The following SLC2A10 variants were observed in gnomAD, a reference collection of about 807,000 sequenced individuals.
SLC2A10 encodes the protein solute carrier family 2, facilitated glucose transporter member 10.
SLC2A10 carries 25 observed loss-of-function variants against 32.1 expected under a neutral mutation model. The ratio of observed to expected loss-of-function variants is 0.78; its 90% confidence interval spans 0.57 to 1.09. The LOEUF (loss-of-function observed/expected upper bound fraction) is 1.09, where lower values mean the gene tolerates loss of function less well. Among genes scored for constraint, SLC2A10 ranks in the 50% least tolerant of loss-of-function variants. SLC2A10 has a pLI of 0.00. For missense variants in SLC2A10, 673 were observed against 686.5 expected, an observed-to-expected ratio of 0.98 and a Z score of 0.22; for synonymous variants, 332 against 309.6, an observed-to-expected ratio of 1.07 and a Z score of -0.76.
At chr20:46,723,389 T>C (rs944740106) in intron 1 of SLC2A10, among the ~76,000 whole-genome samples, 1 of 152,148 alleles carries the variant, frequency 6.6e-6, no homozygotes, top group African/African-American at 2.4e-5. Flanking sequence ...TAGCCACCAA[T>C]AGCTGTGGGA....
chr20:46,710,730 G>A (rs1391281425), intron 1 of SLC2A10, among the ~76,000 whole-genome samples: 3 of 152,228 alleles, frequency 2.0e-5, no homozygotes, highest in Non-Finnish European at 4.4e-5. Context: ...AGAGCACAGC[G>A]GGCAGGGCAC....
chr20:46,722,306 C>A (rs964958901), intron 1 of SLC2A10, among the ~76,000 whole-genome samples: 27 of 152,142 alleles, frequency 1.8e-4, no homozygotes, highest in African/African-American at 5.8e-4. Flanking sequence ...AAGAGGCTGA[C>A]AAATCCAGTC....
rs746480018 is a variant in SLC2A10 at position 46,733,809 on chromosome 20, G to A, written c.1601G>A (p.Arg534His). 1.7e-5 allele frequency: 27 copies of A among 1,614,020 alleles called. No homozygotes were observed. Among genetic ancestry groups the A allele is most frequent in the Non-Finnish European group, 2.3e-5 (27 of 1,180,018 alleles). ...RQNSTGIPYSRIEISAAS is the reference protein window; with the variant it reads ...RQNSTGIPYSHIEISAAS The stretch of plus-strand genomic sequence containing the variant: ...AACTCCACTGGCATCCCGTACAGCC[G>A]CATCGAGATCTCTGCGGCCTCCTGA... The change falls in exon 5 of 5, where the codon CGC (arginine) becomes CAC (histidine). Residue 534 changes from arginine to histidine, a missense_variant. Transcript: ENST00000359271.
intron 3 of SLC2A10, among the ~76,000 whole-genome samples, chr20:46,728,203 G>T (rs144086079): frequency 6.6e-6 from 1 of 152,132 alleles, no homozygotes; most frequent in African/African-American, 2.4e-5. Context: ...TCCAGCCAGG[G>T]AGTCAAAAGA....
intron 1 of SLC2A10, among the ~76,000 whole-genome samples, chr20:46,712,200 G>A (rs1191040466): frequency 6.6e-6 from 1 of 152,226 alleles, no homozygotes; most frequent in African/African-American, 2.4e-5. Context: ...CAATTGCTGG[G>A]ACATTTGGAA....
rs992128140 is a variant in SLC2A10 at position 46,717,653 on chromosome 20, G to A, written c.5-7388G>A. On this transcript the variant is annotated intron_variant, in intron 1 of 4. Coordinates refer to ENST00000359271, the MANE Select transcript of SLC2A10 (RefSeq NM_030777.4). ...ACCTGCTTTGGCCTTCCAAAGTGCT[G>A]GGATTATAGGTGCGAGCCACCACAC... Among the ~76,000 whole-genome samples, 5 of 152,248 alleles carry A rather than the reference G, an allele frequency of 3.3e-5. No homozygotes were observed. The East Asian group carries it at 9.7e-4, about 29-fold the overall frequency.
intron 4 of SLC2A10, among the ~76,000 whole-genome samples, chr20:46,731,058 G>A (rs1385171211): frequency 1.3e-5 from 2 of 152,082 alleles, no homozygotes; most frequent in Non-Finnish European, 2.9e-5. Context: ...CTGCAGTTTC[G>A]GCAGGCGCCT....
rs1431510423 is a variant in SLC2A10 at position 46,725,230 on chromosome 20, G to T, written c.194G>T (p.Gly65Val). The change falls in exon 2 of 5, where the codon GGT becomes GTT. Residue 65 changes from glycine (G) to valine (V), a missense_variant. Transcript: ENST00000359271. ...LLGALLASLV[G>V]GFLIDCYGRK... is the part of the protein sequence containing the mutation. ...GGGGCTCTCCTCGCCTCCCTGGTTG[G>T]TGGCTTCCTCATTGACTGCTATGGC... 1.9e-6 allele frequency: 3 copies of T among 1,614,136 alleles called. No homozygotes were observed. The highest frequency in any genetic ancestry group is 3.3e-5 in the Admixed American group (2 of 60,028).
intron 1 of SLC2A10, among the ~76,000 whole-genome samples, chr20:46,721,202 T>C (rs1041557181): frequency 6.6e-6 from 1 of 152,148 alleles, no homozygotes; most frequent in Non-Finnish European, 1.5e-5. Flanking sequence ...TCAGATTCAG[T>C]GTGAGAGGGA....
chr20:46,726,736 A>G, intron 2 of SLC2A10, 128 bp from the exon 3 acceptor site: 1 of 1,234,530 alleles, frequency 8.1e-7, no homozygotes, highest in Non-Finnish European at 1.2e-6. Context: ...GCAGAATGGG[A>G]GTGGGAGTTT....
chr20:46,711,419 A>C (rs1367654616), intron 1 of SLC2A10, among the ~76,000 whole-genome samples: 1 of 152,002 alleles, frequency 6.6e-6, no homozygotes, highest in Non-Finnish European at 1.5e-5. Context: ...TAATGGTAAA[A>C]CTGGTGACCA....
intron 1 of SLC2A10, among the ~76,000 whole-genome samples, chr20:46,712,945 G>A (rs746571636): frequency 2.6e-5 from 4 of 151,920 alleles, no homozygotes; most frequent in African/African-American, 4.8e-5. Context: ...ATGAGCCACC[G>A]AGCCCAGCCT....
intron 1 of SLC2A10, among the ~76,000 whole-genome samples, chr20:46,723,076 A>C (rs1307322898): frequency 6.6e-6 from 1 of 152,228 alleles, no homozygotes. Context: ...TTCTTAGCAC[A>C]TAAAAATATA....
rs145994112 is a variant in SLC2A10, at chr20:46,725,884, C to G, written c.848C>G (p.Ala283Gly). Residue 283 changes from alanine (A) to glycine (G), a missense_variant, in exon 2 of 5, where the codon GCT becomes GGT. Transcript: ENST00000359271. ...SVGLGAVKVA[A>G]TLTAMGLVDR... ...GGGCTTGGCGCAGTGAAGGTGGCAG[C>G]TACCCTGACCGCCATGGGGCTGGTG... 1.2e-6 allele frequency: 2 copies of G among 1,614,198 alleles called. No homozygotes were observed. Among genetic ancestry groups the G allele is most frequent in the Non-Finnish European group, 1.7e-6 (2 of 1,180,040 alleles).
rs1980476154 is a variant in SLC2A10 at position 46,734,542 on chromosome 20, T to G, written c.*708T>G. ...CACCCACCTCAGCCTCCCAGAGTGCTAGGATTACAGGCCTTTTGACTCTTT... is the reference window on the plus strand; with the variant it reads ...CACCCACCTCAGCCTCCCAGAGTGCGAGGATTACAGGCCTTTTGACTCTTT... On this transcript the variant is annotated 3_prime_UTR_variant, in exon 5 of 5. Coordinates refer to ENST00000359271, the MANE Select transcript of SLC2A10 (RefSeq NM_030777.4). 6.5e-6 allele frequency: 1 copy of G among 153,146 alleles called. No individual in the cohort carries two copies. Among genetic ancestry groups the G allele is most frequent in the South Asian group, 2.0e-4 (1 of 4,880 alleles). The allele number at this position is 153,146 out of a possible 1,614,324, so 9.5% of individuals were successfully genotyped here. A position where few individuals can be genotyped will look rare whatever the true frequency, so the allele number is the denominator to read the frequency against.
chr20:46,728,576 A>G (rs1197265195), intron 3 of SLC2A10, among the ~76,000 whole-genome samples: 2 of 150,136 alleles, frequency 1.3e-5, no homozygotes, highest in East Asian at 3.9e-4. Flanking sequence ...AATTCACTGA[A>G]TGACCGATTC....
chr20:46,730,783 G>A (rs867841128), intron 4 of SLC2A10, among the ~76,000 whole-genome samples: 2 of 152,194 alleles, frequency 1.3e-5, no homozygotes, highest in African/African-American at 4.8e-5. Context: ...GGGAGCTTCA[G>A]AAGGAACTTC....
At chr20:46,712,467 G>A (rs566160934) in intron 1 of SLC2A10, among the ~76,000 whole-genome samples, 7 of 152,252 alleles carry the variant, frequency 4.6e-5, no homozygotes, top group Admixed American at 1.3e-4. Flanking sequence ...CCTCCACAGC[G>A]AGGGGCTTAG....
chr20:46,733,695 C>G lies in SLC2A10; in HGVS notation c.1548-61C>G, dbSNP rs113249258. On this transcript the variant is annotated intron_variant, in intron 4 of 4. Coordinates refer to ENST00000359271, the MANE Select transcript of SLC2A10 (RefSeq NM_030777.4). ...GGTGGGAACCCCAGTGGAAGGTCCA[C>G]TCCCCAGGGACGGCCCCAGGCCCTG... 1,992 of 1,394,038 alleles carry G rather than the reference C, an allele frequency of 1.4e-3. 24 individuals carry two copies. The African/African-American group carries it at 0.025, about 17-fold the overall frequency. The allele number at this position is 1,394,038 out of a possible 1,614,324, so 86.4% of individuals were successfully genotyped here. A position where few individuals can be genotyped will look rare whatever the true frequency, so the allele number is the denominator to read the frequency against.
Sources: allele counts gnomAD v4.1 joint callset (sites outside exome capture counted in the v4.1 genomes callset), GRCh38; gene constraint gnomAD v4.1.1; transcripts MANE v1.5; gene names NCBI Gene and HGNC (gene_info 2026-07-23, HGNC 2026-07-21).